Variants in ROBO1 observed in about 807,000 individuals in gnomAD.
The protein encoded by ROBO1 is roundabout guidance receptor 1, also known as roundabout homolog 1.
In ROBO1, 149 loss-of-function variants were observed where a neutral mutation model predicts 195.9. The observed-to-expected ratio is 0.76, with a 90% CI of 0.67 to 0.87. The LOEUF (loss-of-function observed/expected upper bound fraction) is 0.87. ROBO1 is among the 40% of genes least tolerant of loss of function. The pLI is 0.00. For synonymous variants in ROBO1, 816 were observed against 733.2 expected (o/e 1.11, Z -1.82); for missense variants, 1,933 against 2,068.3 (o/e 0.93, Z 1.27).
At chr3:78,705,481 C>T (rs767182) in intron 8 of ROBO1, among the ~76,000 whole-genome samples, 41,033 of 152,034 alleles carry the variant, frequency 0.27, 5,903 homozygotes, top group African/African-American at 0.37. Context: ...AGGCAATTTG[C>T]CTAGGATTCA....
chr3:79,763,240 C>T (rs1240650908), intron 1 of ROBO1, among the ~76,000 whole-genome samples: 3 of 143,912 alleles, frequency 2.1e-5, no homozygotes, highest in Admixed American at 6.9e-5. Flanking sequence ...GGGTGACTAT[C>T]GAGTGCGAAA....
At position 78,960,940 on chromosome 3, in the gene ROBO1, T is replaced by C. The variant is rs1460850802; in HGVS notation, c.173-22013A>G. ...TGGCAAACTGTAAGCAGATCTGTTC[T>C]AGTGTTTTCTGTTTCGCATCACCCT... On this transcript the variant is annotated intron_variant, in intron 3 of 30. Transcript: ENST00000464233. 3.3e-5 allele frequency among the ~76,000 whole-genome samples: 5 copies of C among 152,246 alleles called. No homozygotes were observed. In the East Asian group the frequency reaches 9.7e-4, roughly 29 times the overall value.
At position 78,646,209 on chromosome 3, in the gene ROBO1, A is replaced by G. The variant is rs774113316; in HGVS notation, c.2840-19T>C. On this transcript the variant is annotated intron_variant, in intron 20 of 30. Transcript: ENST00000464233. Reference sequence around the variant, plus strand: ...TAAGTTACTAGAATGTTACGAAAAAAAAAAGGAACAATTAATAGACATATT... The same window carrying G: ...TAAGTTACTAGAATGTTACGAAAAAGAAAAGGAACAATTAATAGACATATT... 8.1e-6 allele frequency: 13 copies of G among 1,604,320 alleles called. No homozygotes were observed. The African/African-American group carries it at 1.5e-4, about 18-fold the overall frequency.
rs1707270159 is a variant in ROBO1 at position 78,659,804 on chromosome 3, G to A, written c.2324C>T (p.Pro775Leu). The A allele has an allele frequency of 6.2e-7, 1 of 1,601,900 alleles. No homozygotes were observed. The highest frequency in any genetic ancestry group is 8.5e-7 in the Non-Finnish European group (1 of 1,174,376). Residue 775 changes from proline to leucine, a missense_variant, in exon 17 of 31, where the codon CCC becomes CTC. Physicochemically the swap from Pro to Leu is moderately conservative, Grantham distance 98 (BLOSUM62 -3). Transcript: ENST00000464233. ...IKFAKTLEEA[P>L]SAPPQGVTVS... ...AGTTACACCTTGGGGTGGGGCACTG[G>A]GTGCTATTAAATTGTTTTAAAAGGT...
At chr3:79,471,935 G>A (rs1470266546) in intron 2 of ROBO1, among the ~76,000 whole-genome samples, 2 of 151,824 alleles carry the variant, frequency 1.3e-5, no homozygotes, top group African/African-American at 2.4e-5. Context: ...GGGCCTGTTG[G>A]GGGTTGGGGG....
chr3:79,368,124 G>T (rs888991046), intron 2 of ROBO1, among the ~76,000 whole-genome samples: 1 of 152,052 alleles, frequency 6.6e-6, no homozygotes, highest in Non-Finnish European at 1.5e-5. Flanking sequence ...GTAGAGACAG[G>T]ATTTCATTGT....
chr3:79,623,679 A>C (rs1305156719), intron 1 of ROBO1, among the ~76,000 whole-genome samples: 1 of 152,132 alleles, frequency 6.6e-6, no homozygotes, highest in Non-Finnish European at 1.5e-5. Flanking sequence ...CAAAGACTAC[A>C]AGAAATATGG....
chr3:79,426,457 G>A lies in ROBO1; in HGVS notation c.88+163367C>T, dbSNP rs1356048441. Among the ~76,000 whole-genome samples, 3 of 151,930 alleles carry A rather than the reference G, an allele frequency of 2.0e-5. No homozygotes were observed. The East Asian group carries it at 5.8e-4, about 29-fold the overall frequency. On this transcript the variant is annotated intron_variant, in intron 2 of 30. Coordinates refer to ENST00000464233, the MANE Select transcript of ROBO1 (RefSeq NM_002941.4). ...GTGATCTCAGCTCACTGCAATGTCC[G>A]CCTCCCAGGTTAAAGCCATTCCCCA...
chr3:78,760,144 A>C (rs141146466), intron 4 of ROBO1, among the ~76,000 whole-genome samples: 1 of 152,094 alleles, frequency 6.6e-6, no homozygotes, highest in Non-Finnish European at 1.5e-5. Flanking sequence ...TTCCGCCGCT[A>C]TGTGAGACGT....
chr3:79,010,277 G>A (rs1209259828), intron 3 of ROBO1, among the ~76,000 whole-genome samples: 1 of 152,102 alleles, frequency 6.6e-6, no homozygotes, highest in East Asian at 1.9e-4. Context: ...CAAGAATTCT[G>A]AGATGAGACA....
At chr3:78,711,414 T>C (rs189213443) in intron 8 of ROBO1, among the ~76,000 whole-genome samples, 2,931 of 85,554 alleles carry the variant, frequency 0.034, 44 homozygotes, top group Non-Finnish European at 0.04. Flanking sequence ...TTTCTTTCTT[T>C]CTTTCTTTCT....
intron 10 of ROBO1, among the ~76,000 whole-genome samples, chr3:78,681,400 A>C (rs2080904589): frequency 6.6e-6 from 1 of 152,160 alleles, no homozygotes; most frequent in Admixed American, 6.5e-5. Flanking sequence ...GCAAGCATTT[A>C]ATTTGACTAG....
chr3:78,923,729 C>G (rs2039065568), intron 4 of ROBO1, among the ~76,000 whole-genome samples: 1 of 152,058 alleles, frequency 6.6e-6, no homozygotes, highest in Non-Finnish European at 1.5e-5. Flanking sequence ...GGTCCTCTGG[C>G]CTCTACCCTT....
chr3:79,112,611 C>T (rs545825366), intron 3 of ROBO1, among the ~76,000 whole-genome samples: 133 of 152,196 alleles, frequency 8.7e-4, no homozygotes, highest in Non-Finnish European at 1.5e-3. Context: ...TTTGTAGAGA[C>T]GTGGATGAAG....
chr3:79,631,767 A>G (rs1170801139), intron 1 of ROBO1, among the ~76,000 whole-genome samples: 1 of 152,120 alleles, frequency 6.6e-6, no homozygotes, highest in African/African-American at 2.4e-5. Context: ...AGGAACTCAA[A>G]CAGTTCAATA....
intron 3 of ROBO1, among the ~76,000 whole-genome samples, chr3:79,017,255 C>A (rs924433862): frequency 8.6e-5 from 13 of 151,762 alleles, no homozygotes; most frequent in Non-Finnish European, 1.8e-4. Context: ...GGTTTTTTTC[C>A]CCCCTTTTCT....
chr3:78,837,716 C>T (rs1257813483), intron 4 of ROBO1, among the ~76,000 whole-genome samples: 2 of 151,740 alleles, frequency 1.3e-5, no homozygotes, highest in Non-Finnish European at 2.9e-5. Flanking sequence ...CCTATATGTA[C>T]CAGTTAAGTA....
chr3:78,920,328 G>A (rs1450789465), intron 4 of ROBO1, among the ~76,000 whole-genome samples: 1 of 151,320 alleles, frequency 6.6e-6, no homozygotes, highest in East Asian at 1.9e-4. Flanking sequence ...TTTTTGAGAT[G>A]GAGTCTTGCT....
At chr3:79,063,672 G>A (rs2078958410) in intron 3 of ROBO1, among the ~76,000 whole-genome samples, 1 of 151,820 alleles carries the variant, frequency 6.6e-6, no homozygotes, top group South Asian at 2.1e-4. Context: ...GACACCCAAT[G>A]GTGTCCTAGT....
Sources: gnomAD v4.1 joint callset for allele counts (sites outside exome capture counted in the v4.1 genomes callset) on GRCh38, gnomAD v4.1.1 for gene constraint, MANE v1.5 for transcripts, NCBI Gene and HGNC (gene_info 2026-07-23, HGNC 2026-07-21) for gene names.